Variants in ANKRD30A observed in about 807,000 individuals in gnomAD.
ANKRD30A encodes ankyrin repeat domain 30A.
ANKRD30A carries 170 observed loss-of-function variants against 166.3 expected under a neutral mutation model. The ratio of observed to expected loss-of-function variants is 1.02; its 90% CI spans 0.90 to 1.16. ANKRD30A has a LOEUF of 1.16. Ranked by LOEUF, ANKRD30A falls within the 50% of genes most tolerant of loss-of-function variation. The probability of loss-of-function intolerance (pLI) is 0.00; values close to 1 mark genes in which losing one functional copy is unlikely to be tolerated. For missense variants in ANKRD30A, 1,630 were observed against 1,518.0 expected (o/e 1.07, Z -1.23); for synonymous variants, 564 against 508.9 (o/e 1.11, Z -1.46).
chr10:37,194,917 A>G (rs1195799538), intron 27 of ANKRD30A, among the ~76,000 whole-genome samples: 2 of 152,164 alleles, frequency 1.3e-5, no homozygotes, highest in Non-Finnish European at 2.9e-5. Flanking sequence ...TAAAATGAAA[A>G]TATTTAAAAT....
chr10:37,159,918 C>G (rs369898019), intron 15 of ANKRD30A, among the ~76,000 whole-genome samples: 1 of 152,040 alleles, frequency 6.6e-6, no homozygotes, highest in African/African-American at 2.4e-5. Context: ...ATGGTCTGAT[C>G]CGGATCTCCT....
At chr10:37,241,246 G>T in the ANKRD30A span, 1 of 151,060 alleles carries the variant, frequency 6.6e-6, no homozygotes, top group Non-Finnish European at 1.5e-5. Flanking sequence ...TCTAAAAGAT[G>T]AAGTTAGTAA....
intron 1 of ANKRD30A, among the ~76,000 whole-genome samples, chr10:37,126,681 T>G (rs573724986): frequency 6.6e-6 from 1 of 152,328 alleles, no homozygotes; most frequent in East Asian, 1.9e-4. Flanking sequence ...TTTACTATTG[T>G]GATGACATTT....
intron 25 of ANKRD30A, among the ~76,000 whole-genome samples, chr10:37,189,902 G>A (rs1840390317): frequency 6.6e-6 from 1 of 151,886 alleles, no homozygotes; most frequent in Non-Finnish European, 1.5e-5. Flanking sequence ...TTATGTAATG[G>A]AGGATGATAA....
chr10:37,201,870 G>A (rs878981189), intron 31 of ANKRD30A, among the ~76,000 whole-genome samples: 1 of 152,166 alleles, frequency 6.6e-6, no homozygotes, highest in Non-Finnish European at 1.5e-5. Flanking sequence ...TTTGCCATAG[G>A]TGAGAATAAG....
chr10:37,224,158 G>A (rs1843019209), intron 34 of ANKRD30A, among the ~76,000 whole-genome samples: 1 of 150,908 alleles, frequency 6.6e-6, no homozygotes, highest in South Asian at 2.1e-4. Flanking sequence ...AATGCCTTTG[G>A]CATATAATGT....
At chr10:37,199,189 ACC>A (rs1841409610) in intron 29 of ANKRD30A, among the ~76,000 whole-genome samples, 1 of 152,044 alleles carries the variant, frequency 6.6e-6, no homozygotes, top group Non-Finnish European at 1.5e-5. Flanking sequence ...ACATACCCAA[ACC>A]ACACCCAATA....
chr10:37,194,018 A>C (rs1189350213), intron 27 of ANKRD30A, among the ~76,000 whole-genome samples: 1 of 152,084 alleles, frequency 6.6e-6, no homozygotes, highest in East Asian at 1.9e-4. Context: ...AAATTAGTGA[A>C]ACCCCATCTC....
intron 33 of ANKRD30A, 24 bp from the exon 34 acceptor site, chr10:37,218,956 A>T (rs1389063387): frequency 6.7e-7 from 1 of 1,481,998 alleles, no homozygotes; most frequent in East Asian, 2.3e-5. Context: ...AGTGCTAGCT[A>T]AAAGTTTATT....
At chr10:37,248,266 T>A in the ANKRD30A span, 8 of 569,120 alleles carry the variant, frequency 1.4e-5, no homozygotes, top group East Asian at 3.6e-4. Flanking sequence ...CTCAGAATTG[T>A]CACCTCAAAA....
intron 13 of ANKRD30A, 117 bp from the exon 14 acceptor site, chr10:37,158,275 G>C (rs1838536464): frequency 6.9e-7 from 1 of 1,441,328 alleles, no homozygotes; most frequent in Admixed American, 2.0e-5. Flanking sequence ...AAAACATAGT[G>C]TAATCCGTTT....
rs558850837 is a variant in ANKRD30A at position 37,231,325 on chromosome 10, C to A, written c.4186-136C>A. On this transcript the variant is annotated intron_variant, in intron 34 of 35. Transcript: ENST00000361713. ...ATACACTAGGCATGCTCTCACACATCTTCATTGTTAAAGCACGGCTTAATG... is the reference window on the plus strand; with the variant it reads ...ATACACTAGGCATGCTCTCACACATATTCATTGTTAAAGCACGGCTTAATG... 1.4e-5 allele frequency: 8 copies of A among 569,062 alleles called. No homozygotes were observed. The East Asian group carries it at 2.3e-4, about 16-fold the overall frequency. The allele number at this position is 569,062 out of a possible 1,614,324, so 35.3% of individuals were successfully genotyped here.
chr10:37,163,246 G>A (rs1839070188), intron 17 of ANKRD30A, among the ~76,000 whole-genome samples: 1 of 113,302 alleles, frequency 8.8e-6, no homozygotes, highest in Middle Eastern at 3.4e-3. Context: ...GTTTTAACAT[G>A]AATTACCTTG....
At chr10:37,137,982 AG>A (rs777049927) in intron 6 of ANKRD30A, among the ~76,000 whole-genome samples, 75 of 152,304 alleles carry the variant, frequency 4.9e-4, no homozygotes, top group Non-Finnish European at 9.0e-4. Flanking sequence ...ACCCCCAAGT[AG>A]GGGCAGACTG....
chr10:37,193,064 A>G lies in ANKRD30A; in HGVS notation c.2513A>G (p.Glu838Gly), dbSNP rs184702413. 9.8e-4 allele frequency: 1,573 copies of G among 1,609,750 alleles called. 23 individuals carry two copies. Among genetic ancestry groups the G allele is most frequent in the South Asian group, 7.8e-3 (706 of 90,928 alleles). ...EIDKINGKLE[E>G]SPDNDGFLKA... ...ATTATATATGTCCCTTTTCTTTTAG[A>G]GTCTCCTGATAATGATGGTTTTCTG... The change falls in exon 26 of 36, where the codon GAG (glutamate) becomes GGG (glycine). Residue 838 changes from glutamate (E) to glycine (G), a missense_variant and splice_region_variant. Around this residue, in one of 4 missense-constraint regions of ANKRD30A, gnomAD observed 712 missense variants for 629.3 expected, o/e 1.13. Transcript: ENST00000361713.
At chr10:37,165,016 A>G (rs1839201065) in intron 17 of ANKRD30A, 78 bp from the exon 18 acceptor site, 1 of 1,417,652 alleles carries the variant, frequency 7.1e-7, no homozygotes, top group Non-Finnish European at 9.9e-7. Context: ...TCGTGAATGA[A>G]AGTAGATTTG....
At chr10:37,250,395 G>A in the ANKRD30A span, among the ~76,000 whole-genome samples, 1 of 152,052 alleles carries the variant, frequency 6.6e-6, no homozygotes, top group African/African-American at 2.4e-5. Flanking sequence ...CTGAGTTGTT[G>A]TGGCTATGGG....
chr10:37,141,969 C>T lies in ANKRD30A; in HGVS notation c.1072C>T (p.Pro358Ser). 6.2e-7 allele frequency: 1 copy of T among 1,613,838 alleles called. No homozygotes were observed. The highest frequency in any genetic ancestry group is 1.1e-5 in the South Asian group (1 of 90,796). ...GKFEQSAEETPREITSPAKET... is the reference protein window; with the variant it reads ...GKFEQSAEETSREITSPAKET... ...GTTCGAACAGTCAGCAGAAGAAACACCTAGGGAAATTACGAGTCCTGCAAA... is the reference window on the plus strand; with the variant it reads ...GTTCGAACAGTCAGCAGAAGAAACATCTAGGGAAATTACGAGTCCTGCAAA... The change falls in exon 7 of 36, where the codon CCT (proline) becomes TCT (serine). Residue 358 changes from proline to serine, a missense_variant. Around this residue, in one of 4 missense-constraint regions of ANKRD30A, gnomAD observed 904 missense variants for 818.5 expected, o/e 1.10. Transcript: ENST00000361713.
chr10:37,143,358 A>G (rs2505149), intron 7 of ANKRD30A, among the ~76,000 whole-genome samples: 52,209 of 151,776 alleles, frequency 0.34, 9,595 homozygotes, highest in Admixed American at 0.41. Flanking sequence ...AGTGACAGAT[A>G]GGGAATATGT....
Sources: allele counts gnomAD v4.1 joint callset (sites outside exome capture counted in the v4.1 genomes callset), GRCh38; gene constraint gnomAD v4.1.1; regional missense constraint gnomAD v4.1.1; transcripts MANE v1.5; gene names NCBI Gene and HGNC (gene_info 2026-07-23, HGNC 2026-07-21).